The following TRAF3 variants were observed in gnomAD, a reference collection of about 807,000 sequenced individuals.
TRAF3 encodes TNF receptor-associated factor 3.
Under a neutral mutation model 62.3 loss-of-function variants are expected in TRAF3, and 13 were observed. That is an observed-to-expected ratio of 0.21 (90% confidence interval 0.14 to 0.33). The LOEUF (loss-of-function observed/expected upper bound fraction) is 0.33. TRAF3 is among the 10% of genes least tolerant of loss of function. TRAF3 has a pLI of 1.00. For missense variants in TRAF3, 440 were observed against 741.8 expected (o/e 0.59, Z 4.73); for synonymous variants, 269 against 283.4 (o/e 0.95, Z 0.51).
chr14:102,831,513 C>T (rs984700900), intron 2 of TRAF3, among the ~76,000 whole-genome samples: 2 of 152,148 alleles, frequency 1.3e-5, no homozygotes, highest in African/African-American at 2.4e-5. Flanking sequence ...GCAGATAGAG[C>T]GTGGAGTGCT....
In TRAF3 at chr14:102,903,494, G is replaced by T. The variant is rs766591755; in HGVS notation, c.1135+65G>T. ...GGGCCCCGGGCGAGTGCTGGGGCGG[G>T]GTCCGTGGGATGAGGGCTATGTTAG... On this transcript the variant is annotated intron_variant, in intron 11 of 11. Coordinates refer to ENST00000392745, the MANE Select transcript of TRAF3 (RefSeq NM_145725.3). This position sits in a 1 kb window ranked among gnomAD's most constrained non-coding sequence, Gnocchi z 6.4. 23 of 1,606,928 alleles carry T rather than the reference G, an allele frequency of 1.4e-5. No homozygotes were observed. The highest frequency in any genetic ancestry group is 1.9e-5 in the Non-Finnish European group (22 of 1,176,230).
intron 10 of TRAF3, among the ~76,000 whole-genome samples, chr14:102,899,120 A>G (rs926708164): frequency 9.9e-5 from 15 of 152,160 alleles, no homozygotes; most frequent in African/African-American, 3.6e-4. Context: ...TCTCCATGTG[A>G]CCTGTTGAGC....
At chr14:102,854,221 G>A (rs1221582936) in intron 2 of TRAF3, among the ~76,000 whole-genome samples, 1 of 150,526 alleles carries the variant, frequency 6.6e-6, no homozygotes, top group Non-Finnish European at 1.5e-5. Flanking sequence ...TTTTTTTTTC[G>A]CTATTGTGAA....
intron 6 of TRAF3, among the ~76,000 whole-genome samples, chr14:102,884,825 G>GA (rs1889279774): frequency 6.6e-6 from 1 of 150,996 alleles, no homozygotes; most frequent in African/African-American, 2.4e-5. Flanking sequence ...AAAAAAAAAA[G>GA]AAAAAGCACA....
chr14:102,885,168 TG>T (rs1237613331), intron 6 of TRAF3, among the ~76,000 whole-genome samples: 2 of 152,164 alleles, frequency 1.3e-5, no homozygotes, highest in Non-Finnish European at 2.9e-5. Flanking sequence ...AGCAAGCTCC[TG>T]GGGGAGAGGA....
chr14:102,783,459 G>C (rs1897348600), intron 1 of TRAF3, among the ~76,000 whole-genome samples: 1 of 152,166 alleles, frequency 6.6e-6, no homozygotes, highest in Non-Finnish European at 1.5e-5. Flanking sequence ...CTTTATGCTG[G>C]AAATTAAACC....
At chr14:102,800,658 C>T (rs1329311711) in intron 1 of TRAF3, among the ~76,000 whole-genome samples, 1 of 151,374 alleles carries the variant, frequency 6.6e-6, no homozygotes, top group Non-Finnish European at 1.5e-5. Flanking sequence ...CATTATTTTA[C>T]CACAGATGGT....
At chr14:102,887,969 A>G (rs1889495273) in intron 7 of TRAF3, among the ~76,000 whole-genome samples, 1 of 152,194 alleles carries the variant, frequency 6.6e-6, no homozygotes. Context: ...TTTGAGCTAT[A>G]GATTATTCTT....
intron 2 of TRAF3, among the ~76,000 whole-genome samples, chr14:102,865,700 T>C (rs1420961183): frequency 1.3e-5 from 2 of 152,172 alleles, no homozygotes; most frequent in Non-Finnish European, 2.9e-5. Context: ...GGTTTCACCA[T>C]GTTGGCCAGG....
chr14:102,799,549 C>T (rs117250731), intron 1 of TRAF3, among the ~76,000 whole-genome samples: 2,182 of 152,282 alleles, frequency 0.014, 22 homozygotes, highest in Non-Finnish European at 0.021. Flanking sequence ...CTCCCAGATT[C>T]AGGCAGTTCT....
At chr14:102,856,843 T>A (rs923407880) in intron 2 of TRAF3, among the ~76,000 whole-genome samples, 1 of 152,206 alleles carries the variant, frequency 6.6e-6, no homozygotes, top group Non-Finnish European at 1.5e-5. Context: ...TATGAGGGTC[T>A]CTTGTATTCA....
intron 5 of TRAF3, 93 bp downstream of exon 5, chr14:102,875,821 T>G (rs1253250200): frequency 2.8e-6 from 3 of 1,079,702 alleles, no homozygotes; most frequent in Middle Eastern, 2.0e-4. Context: ...TGTGGCACTT[T>G]AAGACCATGT....
At position 102,905,416 on chromosome 14, in the gene TRAF3, A is replaced by T; in HGVS notation, c.1339A>T (p.Thr447Ser). The T allele has an allele frequency of 6.2e-7, 1 of 1,614,212 alleles. No individual in the cohort carries two copies. Among genetic ancestry groups the T allele is most frequent in the Non-Finnish European group, 8.5e-7 (1 of 1,180,036 alleles). Residue 447 changes from threonine (T) to serine (S), a missense_variant, in exon 12 of 12, where the codon ACT becomes TCT. By Grantham distance (58) the Thr-to-Ser change is moderately conservative. Coordinates refer to ENST00000392745, the MANE Select transcript of TRAF3 (RefSeq NM_145725.3). ...TLSLYSQPFY[T>S]GYFGYKMCAR... is the part of the protein sequence containing the mutation. ...GTCCCTTTACAGCCAGCCTTTCTAC[A>T]CTGGTTACTTTGGCTATAAGATGTG...
Position 102,910,623 on chromosome 14 carries a change from T to TC in TRAF3, c.*4841dup, listed in dbSNP as rs780207721. 6.6e-6 allele frequency: 1 copy of TC among 152,258 alleles called. No homozygotes were observed. The highest frequency in any genetic ancestry group is 2.4e-5 in the African/African-American group (1 of 41,430). The allele number at this position is 152,258 out of a possible 1,614,324, so 9.4% of individuals were successfully genotyped here. On this transcript the variant is annotated 3_prime_UTR_variant, in exon 12 of 12. Transcript: ENST00000392745. ...CACTGCAAGGGCATTTTCCACCTGA[T>TC]CCTGGTGTGCCCCACATGCGGTGGC...
intron 1 of TRAF3, among the ~76,000 whole-genome samples, chr14:102,828,737 G>A (rs79408970): frequency 0.014 from 2,103 of 152,210 alleles, 21 homozygotes; most frequent in Non-Finnish European, 0.021. Flanking sequence ...CCCTTTTGAC[G>A]TTTGAAGACT....
chr14:102,795,274 T>C (rs914093194), intron 1 of TRAF3, among the ~76,000 whole-genome samples: 1 of 151,660 alleles, frequency 6.6e-6, no homozygotes, highest in African/African-American at 2.4e-5. Context: ...AGTGAGGGAG[T>C]GGTTTTAAAT....
Position 102,861,020 on chromosome 14 carries a change from G to A in TRAF3, c.-17-9165G>A, listed in dbSNP as rs559167350. ...GAAAAGATAGGAAAGGGAAAGGAAA[G>A]AAAGGGAGAAAAGCATTGCCTGCAG... On this transcript the variant is annotated intron_variant, in intron 2 of 11. Coordinates refer to ENST00000392745, the MANE Select transcript of TRAF3 (RefSeq NM_145725.3). Among the ~76,000 whole-genome samples the A allele has an allele frequency of 6.6e-5, 10 of 152,362 alleles. 3 individuals are homozygous for A. Among genetic ancestry groups the A allele is most frequent in the African/African-American group, 2.2e-4 (9 of 41,588 alleles).
At chr14:102,794,872 A>G (rs547396790) in intron 1 of TRAF3, among the ~76,000 whole-genome samples, 1 of 152,264 alleles carries the variant, frequency 6.6e-6, no homozygotes, top group South Asian at 2.1e-4. Context: ...GCCATCCTTG[A>G]TCATGTGTTT....
intron 9 of TRAF3, among the ~76,000 whole-genome samples, chr14:102,893,882 G>A (rs1889862097): frequency 6.6e-6 from 1 of 152,200 alleles, no homozygotes; most frequent in African/African-American, 2.4e-5. Flanking sequence ...CCCTTTGCTA[G>A]GTCCAAAAGC....
Sources: gnomAD v4.1 joint callset for allele counts (sites outside exome capture counted in the v4.1 genomes callset) on GRCh38, gnomAD v4.1.1 for gene constraint, Gnocchi (gnomAD v3.1) non-coding constraint, MANE v1.5 for transcripts, NCBI Gene and HGNC (gene_info 2026-07-23, HGNC 2026-07-21) for gene names.